The following MCTP2 variants were observed in gnomAD, a reference collection of about 807,000 sequenced individuals.
The protein encoded by MCTP2 is multiple C2 and transmembrane domain-containing protein 2.
In MCTP2, 132 loss-of-function variants were observed where a neutral mutation model predicts 111.6. The observed-to-expected ratio is 1.18, with a 90% CI of 1.03 to 1.37. The LOEUF (loss-of-function observed/expected upper bound fraction) is 1.37. MCTP2 is among the 40% of genes most tolerant of loss of function. The pLI, the probability that MCTP2 is intolerant of heterozygous loss-of-function variation, is 0.00. For synonymous variants in MCTP2, 395 were observed against 387.7 expected (o/e 1.02, Z -0.22); for missense variants, 1,183 against 1,067.9 (o/e 1.11, Z -1.50).
intron 1 of MCTP2, among the ~76,000 whole-genome samples, chr15:94,245,542 A>T (rs1441252222): frequency 7.0e-6 from 1 of 143,122 alleles, no homozygotes; most frequent in Admixed American, 7.1e-5. Context: ...ACATACATGT[A>T]TATATTTATA....
chr15:94,357,293 G>GA (rs1406427106), intron 9 of MCTP2, among the ~76,000 whole-genome samples: 2 of 152,194 alleles, frequency 1.3e-5, no homozygotes, highest in Admixed American at 6.5e-5. Flanking sequence ...TATTAAGACA[G>GA]AAGTATGCAG....
intron 8 of MCTP2, among the ~76,000 whole-genome samples, chr15:94,352,022 A>G (rs1324895652): frequency 6.6e-6 from 1 of 152,226 alleles, no homozygotes; most frequent in Non-Finnish European, 1.5e-5. Context: ...TGCCAAGGAA[A>G]AGGGATACTG....
At chr15:94,245,656 A>G (rs538667619) in intron 1 of MCTP2, among the ~76,000 whole-genome samples, 1 of 146,566 alleles carries the variant, frequency 6.8e-6, no homozygotes, top group South Asian at 2.1e-4. Flanking sequence ...ACATATGTAT[A>G]TGTAAATGTG....
chr15:94,468,727 C>G (rs1457755965), intron 20 of MCTP2, among the ~76,000 whole-genome samples: 1 of 152,092 alleles, frequency 6.6e-6, no homozygotes, highest in Admixed American at 6.6e-5. Flanking sequence ...CTCCACTTCC[C>G]AGGTTCAAGT....
chr15:94,430,631 G>A (rs545328614), intron 17 of MCTP2, among the ~76,000 whole-genome samples: 9 of 149,126 alleles, frequency 6.0e-5, no homozygotes, highest in South Asian at 2.1e-4. Context: ...GCCTGTAATC[G>A]CAGCTACTTG....
Position 94,394,098 on chromosome 15 carries a change from G to A in MCTP2, c.1789-4863G>A, listed in dbSNP as rs1207853490. 4.0e-5 allele frequency among the ~76,000 whole-genome samples: 6 copies of A among 149,110 alleles called. No individual in the cohort carries two copies. The South Asian group carries it at 8.6e-4, about 21-fold the overall frequency. On this transcript the variant is annotated intron_variant, in intron 14 of 22. Coordinates refer to ENST00000357742, the MANE Select transcript of MCTP2 (RefSeq NM_001385001.1). ...TGTAAAAAACGTGGTAGCTGAACAC[G>A]TATGAATGGCTCATGATTTATTCAA...
intron 4 of MCTP2, among the ~76,000 whole-genome samples, chr15:94,331,088 A>G (rs1037360372): frequency 1.3e-5 from 2 of 152,230 alleles, no homozygotes; most frequent in African/African-American, 4.8e-5. Context: ...TCAATCATCT[A>G]TTCAACCAAA....
At chr15:94,313,877 G>A (rs1439765536) in intron 2 of MCTP2, among the ~76,000 whole-genome samples, 1 of 152,200 alleles carries the variant, frequency 6.6e-6, no homozygotes, top group Non-Finnish European at 1.5e-5. Flanking sequence ...CCTTCCGAAC[G>A]GACATGCTCG....
chr15:94,464,262 T>TATATATATTATATATATATA, intron 20 of MCTP2, among the ~76,000 whole-genome samples: 1 of 25,806 alleles, frequency 3.9e-5, no homozygotes, highest in Middle Eastern at 0.071. Flanking sequence ...ATATATTATA[T>TATATATATTATATATATATA]ATATATATAT....
rs1160464343 is a variant in MCTP2 at position 94,478,950 on chromosome 15, C to G, written c.2569-16C>G. Reference sequence around the variant, plus strand: ...GGTTACCTAACCGCCAGCATCACGGCTATTTGTTTTCACAGGTGCAGTATG... The same window carrying G: ...GGTTACCTAACCGCCAGCATCACGGGTATTTGTTTTCACAGGTGCAGTATG... On this transcript the variant is annotated splice_polypyrimidine_tract_variant and intron_variant, in intron 22 of 22. Transcript: ENST00000357742. 1.2e-6 allele frequency: 2 copies of G among 1,613,526 alleles called. No individual in the cohort carries two copies. The highest frequency in any genetic ancestry group is 2.2e-5 in the East Asian group (1 of 44,834).
rs966232471 is a variant in MCTP2 at position 94,305,333 on chromosome 15, G to A, written c.465+6603G>A. On this transcript the variant is annotated intron_variant, in intron 2 of 22. Transcript: ENST00000357742. ...TAGTAAGTGGTATTTTGTTATAGTCGCCTGAGCTGACTAACTCTGTGATCT... is the reference window on the plus strand; with the variant it reads ...TAGTAAGTGGTATTTTGTTATAGTCACCTGAGCTGACTAACTCTGTGATCT... Among the ~76,000 whole-genome samples, 8 of 152,088 alleles carry A rather than the reference G, an allele frequency of 5.3e-5. No individual in the cohort carries two copies. In the East Asian group the frequency reaches 1.5e-3, roughly 29 times the overall value.
chr15:94,416,123 C>G (rs2152489893), intron 17 of MCTP2, among the ~76,000 whole-genome samples: 1 of 152,220 alleles, frequency 6.6e-6, no homozygotes, highest in East Asian at 1.9e-4. Context: ...AAGCATTCCT[C>G]TTAGATCAGT....
chr15:94,442,298 A>G (rs980763278), intron 18 of MCTP2, among the ~76,000 whole-genome samples: 3 of 152,226 alleles, frequency 2.0e-5, no homozygotes, highest in Non-Finnish European at 2.9e-5. Context: ...ATATTCATCT[A>G]AACAAGGCCG....
chr15:94,365,618 G>A (rs2079144123), intron 10 of MCTP2, among the ~76,000 whole-genome samples: 2 of 152,224 alleles, frequency 1.3e-5, no homozygotes, highest in East Asian at 3.9e-4. Flanking sequence ...CGTTACTAGA[G>A]TACTCTAGAA....
intron 21 of MCTP2, among the ~76,000 whole-genome samples, chr15:94,473,140 G>C (rs776821250): frequency 6.6e-6 from 1 of 151,554 alleles, no homozygotes; most frequent in African/African-American, 2.4e-5. Flanking sequence ...TTTTATATAA[G>C]TATCAGAATC....
intron 21 of MCTP2, among the ~76,000 whole-genome samples, chr15:94,473,082 T>A (rs1245189454): frequency 6.7e-6 from 1 of 148,994 alleles, no homozygotes; most frequent in South Asian, 2.1e-4. Flanking sequence ...TTGAAAAAAA[T>A]GTAACTATAT....
At chr15:94,269,040 A>G (rs1004691486) in intron 1 of MCTP2, among the ~76,000 whole-genome samples, 3 of 152,134 alleles carry the variant, frequency 2.0e-5, no homozygotes, top group African/African-American at 7.2e-5. Context: ...ATACTATTTT[A>G]ATAATATTGT....
intron 1 of MCTP2, among the ~76,000 whole-genome samples, chr15:94,236,149 G>C (rs1427666157): frequency 6.6e-6 from 1 of 152,074 alleles, no homozygotes; most frequent in Non-Finnish European, 1.5e-5. Context: ...GATTATGGAA[G>C]GTGGCCTTGT....
intron 19 of MCTP2, among the ~76,000 whole-genome samples, chr15:94,452,565 T>A (rs963256156): frequency 4.6e-5 from 7 of 152,172 alleles, no homozygotes; most frequent in African/African-American, 1.7e-4. Flanking sequence ...TTTTCCTGGA[T>A]CCATTTATTT....
Sources: gnomAD v4.1 joint callset for allele counts (sites outside exome capture counted in the v4.1 genomes callset) on GRCh38, gnomAD v4.1.1 for gene constraint, MANE v1.5 for transcripts, NCBI Gene and HGNC (gene_info 2026-07-23, HGNC 2026-07-21) for gene names.